The following RYR3 variants were observed in gnomAD, a reference collection of about 807,000 sequenced individuals.
RYR3 encodes ryanodine receptor 3.
A neutral mutation model predicts 584.3 loss-of-function variants in RYR3; 207 were observed. That is an observed-to-expected ratio of 0.35 (90% CI 0.32 to 0.40). The LOEUF (loss-of-function observed/expected upper bound fraction) is 0.40. Ranked by LOEUF, RYR3 falls within the 10% of genes least tolerant of loss-of-function variation. The pLI, the probability that RYR3 is intolerant of heterozygous loss-of-function variation, is 1.00. For synonymous variants in RYR3, 2,416 were observed against 2,248.5 expected (o/e 1.07, Z -2.11); for missense variants, 5,616 against 6,089.2 (o/e 0.92, Z 2.59).
chr15:33,404,269 T>G (rs1047053745), intron 1 of RYR3, among the ~76,000 whole-genome samples: 9 of 152,218 alleles, frequency 5.9e-5, no homozygotes, highest in African/African-American at 2.2e-4. Context: ...TCACTTTTAT[T>G]GAACGTGTAT....
chr15:33,586,600 G>A (rs2058858879), intron 16 of RYR3, among the ~76,000 whole-genome samples: 3 of 152,314 alleles, frequency 2.0e-5, no homozygotes, highest in South Asian at 2.1e-4. Context: ...GAATCTGTGC[G>A]TGTGCAAGCA....
rs151154900 is a variant in RYR3, at chr15:33,358,243, A to G, written c.51+47147A>G. 7.9e-3 allele frequency among the ~76,000 whole-genome samples: 1,206 copies of G among 152,318 alleles called. 21 individuals are homozygous for G. The highest frequency in any genetic ancestry group is 0.027 in the African/African-American group (1,134 of 41,566). ...TTTTCCAGGTTAAGAACAAGCTGCC[A>G]GGTCCCCAGAAAGTGCTTAGTGGGG... On this transcript the variant is annotated intron_variant, in intron 1 of 103. Coordinates refer to ENST00000634891, the MANE Select transcript of RYR3 (RefSeq NM_001036.6).
chr15:33,831,641 G>A (rs1056623988), intron 86 of RYR3, among the ~76,000 whole-genome samples: 4 of 152,188 alleles, frequency 2.6e-5, no homozygotes, highest in African/African-American at 9.7e-5. Context: ...TAACTGTCTA[G>A]ATCTTGCTGC....
At chr15:33,817,083 C>CACAGT in intron 75 of RYR3, 125 bp downstream of exon 75, 1 of 597,952 alleles carries the variant, frequency 1.7e-6, no homozygotes. Context: ...AAAGCACTAA[C>CACAGT]TGTGTAAGTG....
chr15:33,594,512 A>G (rs773971566), intron 16 of RYR3, among the ~76,000 whole-genome samples: 2 of 152,220 alleles, frequency 1.3e-5, no homozygotes, highest in Non-Finnish European at 2.9e-5. Flanking sequence ...TTGAAGCAAA[A>G]AGTCAAAAAG....
Position 33,865,993 on chromosome 15 carries a change from A to AAATGGAGTAATGCTT in RYR3, c.*768_*782dup, listed in dbSNP as rs1401659184. 6.5e-6 allele frequency: 1 copy of AAATGGAGTAATGCTT among 152,880 alleles called. No homozygotes were observed. The highest frequency in any genetic ancestry group is 2.4e-5 in the African/African-American group (1 of 41,464). 9.5% of individuals were successfully genotyped at this position (152,880 alleles called of 1,614,324 possible). A position where few individuals can be genotyped will look rare whatever the true frequency, so the allele number is the denominator to read the frequency against. ...GAAAAAAAATCTCAACCTTATGCCA[A>AAATGGAGTAATGCTT]AATGGAGTAATGCTTTATGGTCCCT... On this transcript the variant is annotated 3_prime_UTR_variant, in exon 104 of 104. Coordinates refer to ENST00000634891, the MANE Select transcript of RYR3 (RefSeq NM_001036.6).
chr15:33,380,081 T>C (rs886882967), intron 1 of RYR3, among the ~76,000 whole-genome samples: 1 of 152,020 alleles, frequency 6.6e-6, no homozygotes, highest in Non-Finnish European at 1.5e-5. Flanking sequence ...ACATTGAGAG[T>C]GGTCTTCCTC....
intron 18 of RYR3, among the ~76,000 whole-genome samples, chr15:33,611,710 G>T (rs2060197917): frequency 6.6e-6 from 1 of 152,224 alleles, no homozygotes; most frequent in African/African-American, 2.4e-5. Context: ...CCAGGCTGGA[G>T]CGCAGTGGCA....
At chr15:33,738,255 AAGCTGACTGTTCCCAGCTTGAG>A in intron 49 of RYR3, among the ~76,000 whole-genome samples, 173 bp from the exon 50 acceptor site, 1 of 152,284 alleles carries the variant, frequency 6.6e-6, no homozygotes, top group East Asian at 1.9e-4. Flanking sequence ...GCTCAGGCTC[AAGCTGACTGTTCCCAGCTTGAG>A]AGCAGACTGT....
intron 60 of RYR3, among the ~76,000 whole-genome samples, chr15:33,760,993 A>G (rs190905985): frequency 2.3e-4 from 35 of 152,360 alleles, no homozygotes; most frequent in Middle Eastern, 3.4e-3. Flanking sequence ...CTACTCCTCA[A>G]TGACTACTGG....
chr15:33,670,308 A>G (rs2063768306), intron 37 of RYR3, 111 bp from the exon 38 acceptor site: 2 of 1,106,870 alleles, frequency 1.8e-6, no homozygotes, highest in Admixed American at 4.0e-5. Context: ...AGCCTGTAGT[A>G]TCTTTAGAAA....
At chr15:33,382,032 C>T (rs1006569584) in intron 1 of RYR3, among the ~76,000 whole-genome samples, 1 of 152,028 alleles carries the variant, frequency 6.6e-6, no homozygotes, top group Non-Finnish European at 1.5e-5. Context: ...CAAAATTAGA[C>T]TAGAATTTTA....
rs376179490 is a variant in RYR3, at chr15:33,813,455, A to C, written c.10390-12A>C. On this transcript the variant is annotated splice_polypyrimidine_tract_variant and intron_variant, in intron 73 of 103. Coordinates refer to ENST00000634891, the MANE Select transcript of RYR3 (RefSeq NM_001036.6). ...AGCCTAATGTGCACCAACCGATGTGATCTCTTCTCAGGTGGAACAGCCTTT... is the reference window on the plus strand; with the variant it reads ...AGCCTAATGTGCACCAACCGATGTGCTCTCTTCTCAGGTGGAACAGCCTTT... 21 of 1,608,838 alleles carry C rather than the reference A, an allele frequency of 1.3e-5. No individual in the cohort carries two copies. In the African/African-American group the frequency reaches 2.3e-4, roughly 17 times the overall value.
intron 60 of RYR3, among the ~76,000 whole-genome samples, chr15:33,765,110 C>A (rs1405741391): frequency 6.8e-6 from 1 of 147,816 alleles, no homozygotes; most frequent in African/African-American, 2.5e-5. Context: ...CAACATAATT[C>A]AATTTAAATT....
intron 86 of RYR3, among the ~76,000 whole-genome samples, chr15:33,832,366 C>T (rs975133684): frequency 2.6e-5 from 4 of 151,922 alleles, no homozygotes; most frequent in Non-Finnish European, 5.9e-5. Flanking sequence ...TTAAGAACCA[C>T]ATATGTGGCC....
At chr15:33,652,124 G>A (rs990014449) in intron 31 of RYR3, among the ~76,000 whole-genome samples, 1 of 152,238 alleles carries the variant, frequency 6.6e-6, no homozygotes, top group African/African-American at 2.4e-5. Context: ...TGGTTAGCCA[G>A]TAGTGCGGGA....
intron 92 of RYR3, among the ~76,000 whole-genome samples, chr15:33,844,089 A>C (rs951068885): frequency 2.6e-5 from 4 of 152,198 alleles, no homozygotes; most frequent in Non-Finnish European, 5.9e-5. Flanking sequence ...TGAATTAATG[A>C]AGGGTCCTGA....
intron 1 of RYR3, among the ~76,000 whole-genome samples, chr15:33,449,234 A>G (rs993134192): frequency 9.2e-5 from 14 of 152,144 alleles, no homozygotes; most frequent in Non-Finnish European, 1.5e-4. Flanking sequence ...GGGAGGATCT[A>G]CTTCCAAGCT....
At chr15:33,504,627 C>T (rs2052307671) in intron 3 of RYR3, among the ~76,000 whole-genome samples, 1 of 152,152 alleles carries the variant, frequency 6.6e-6, no homozygotes, top group South Asian at 2.1e-4. Flanking sequence ...TTTTAAAATC[C>T]TTTGTCTTCC....
Sources: allele counts gnomAD v4.1 joint callset (sites outside exome capture counted in the v4.1 genomes callset), GRCh38; gene constraint gnomAD v4.1.1; transcripts MANE v1.5; gene names NCBI Gene and HGNC (gene_info 2026-07-23, HGNC 2026-07-21).